Variants in TPH2 observed in about 807,000 individuals in gnomAD.
The protein encoded by TPH2 is tryptophan hydroxylase 2.
TPH2 carries 27 observed loss-of-function variants against 59.1 expected under a neutral mutation model. The observed-to-expected ratio is 0.46, with a 90% CI of 0.34 to 0.63. The LOEUF (loss-of-function observed/expected upper bound fraction) is 0.63. TPH2 is among the 30% of genes least tolerant of loss of function. The pLI is 0.01. For missense variants in TPH2, 523 were observed against 588.3 expected, an observed-to-expected ratio of 0.89 and a Z score of 1.15; for synonymous variants, 220 against 210.5, an observed-to-expected ratio of 1.05 and a Z score of -0.39.
chr12:72,015,520 C>T (rs565669399), intron 8 of TPH2, among the ~76,000 whole-genome samples: 6 of 151,888 alleles, frequency 4.0e-5, no homozygotes, highest in South Asian at 2.1e-4. Flanking sequence ...GGGGTTTCAC[C>T]GTGTTAGCCA....
At position 71,949,878 on chromosome 12, in the gene TPH2, T is replaced by C. The variant is rs182920526; in HGVS notation, c.608+223T>C. 3.3e-3 allele frequency among the ~76,000 whole-genome samples: 502 copies of C among 151,860 alleles called. 1 individual carries two copies. The highest frequency in any genetic ancestry group is 0.012 in the African/African-American group (487 of 41,230). On this transcript the variant is annotated intron_variant, in intron 5 of 10. Transcript: ENST00000333850. ...TGTGAGCCACATGCCAAGTGCTACG[T>C]TTACACCATTGTTTCCAGCTCCACC...
At chr12:72,012,291 G>A (rs955385757) in intron 8 of TPH2, among the ~76,000 whole-genome samples, 1 of 152,204 alleles carries the variant, frequency 6.6e-6, no homozygotes, top group African/African-American at 2.4e-5. Context: ...GGCAGTTTCT[G>A]TGTGGATTCG....
chr12:71,958,952 T>C, intron 5 of TPH2, among the ~76,000 whole-genome samples: 1 of 152,206 alleles, frequency 6.6e-6, no homozygotes, highest in East Asian at 1.9e-4. Flanking sequence ...TCAATTTGGG[T>C]GAGCTTGTGA....
intron 7 of TPH2, 25 bp from the exon 8 acceptor site, chr12:71,994,414 G>A (rs927946801): frequency 8.7e-6 from 14 of 1,612,918 alleles, no homozygotes; most frequent in Middle Eastern, 1.6e-4. Flanking sequence ...TATTTAACAC[G>A]TCTTTGTGAT....
At position 72,032,161 on chromosome 12, in the gene TPH2, T is replaced by A. The variant is rs1307205536; in HGVS notation, c.*466T>A. ...ACCCAGAATTGTAGGAAACTTCCCATCACAATAACAAAGGTTCAATATTCT... is the reference window on the plus strand; with the variant it reads ...ACCCAGAATTGTAGGAAACTTCCCAACACAATAACAAAGGTTCAATATTCT... On this transcript the variant is annotated 3_prime_UTR_variant, in exon 11 of 11. Transcript: ENST00000333850. The A allele has an allele frequency of 3.3e-5, 6 of 184,492 alleles. No individual in the cohort carries two copies. The highest frequency in any genetic ancestry group is 1.4e-4 in the African/African-American group (6 of 42,312). 11.4% of individuals were successfully genotyped at this position (184,492 alleles called of 1,614,324 possible).
At position 71,961,032 on chromosome 12, in the gene TPH2, C is replaced by T. The variant is rs546221330; in HGVS notation, c.608+11377C>T. Among the ~76,000 whole-genome samples the T allele has an allele frequency of 1.6e-3, 245 of 152,242 alleles. 3 individuals carry two copies. Among genetic ancestry groups the T allele is most frequent in the African/African-American group, 5.4e-3 (225 of 41,554 alleles). ...CAGATGACCTCTCATTTGATCCTCA[C>T]GATGTGAGAAGTCTTATTTCCCTCA... On this transcript the variant is annotated intron_variant, in intron 5 of 10. Coordinates refer to ENST00000333850, the MANE Select transcript of TPH2 (RefSeq NM_173353.4).
intron 6 of TPH2, among the ~76,000 whole-genome samples, chr12:71,977,093 C>T (rs544696938): frequency 8.5e-5 from 13 of 152,094 alleles, no homozygotes; most frequent in African/African-American, 3.1e-4. Flanking sequence ...GCTCTGTTGC[C>T]CAAGCTGGGG....
At chr12:71,956,574 T>A (rs1871511523) in intron 5 of TPH2, among the ~76,000 whole-genome samples, 1 of 144,658 alleles carries the variant, frequency 6.9e-6, no homozygotes, top group South Asian at 2.3e-4. Context: ...CTTCTTTCCC[T>A]CCTTCCTTCC....
intron 7 of TPH2, among the ~76,000 whole-genome samples, chr12:71,984,540 C>A (rs1418374235): frequency 6.6e-6 from 1 of 152,128 alleles, no homozygotes; most frequent in African/African-American, 2.4e-5. Context: ...TTGCTGAAGT[C>A]TTCTCAGCAT....
At chr12:71,994,927 A>T (rs1016707314) in intron 8 of TPH2, among the ~76,000 whole-genome samples, 2 of 152,072 alleles carry the variant, frequency 1.3e-5, no homozygotes, top group Non-Finnish European at 2.9e-5. Flanking sequence ...TCCCAATAAA[A>T]CTTTATTTAT....
intron 7 of TPH2, among the ~76,000 whole-genome samples, chr12:71,991,838 G>C (rs1235650502): frequency 3.9e-5 from 6 of 152,108 alleles, no homozygotes; most frequent in Non-Finnish European, 5.9e-5. Flanking sequence ...AATTAAACTT[G>C]AACAGCTCTA....
At chr12:71,951,540 GT>G (rs1458267503) in intron 5 of TPH2, among the ~76,000 whole-genome samples, 1 of 152,122 alleles carries the variant, frequency 6.6e-6, no homozygotes, top group African/African-American at 2.4e-5. Flanking sequence ...TTTTGACAGG[GT>G]TTTGCTTTGT....
intron 7 of TPH2, among the ~76,000 whole-genome samples, chr12:71,980,087 G>T (rs1872233800): frequency 6.6e-6 from 1 of 152,118 alleles, no homozygotes; most frequent in Non-Finnish European, 1.5e-5. Flanking sequence ...TTTTGGATTG[G>T]GTCAGGACAG....
At position 71,941,668 on chromosome 12, in the gene TPH2, A is replaced by G. The variant is rs1368874998; in HGVS notation, c.190A>G (p.Thr64Ala). 1.2e-6 allele frequency: 2 copies of G among 1,614,150 alleles called. No individual in the cohort carries two copies. The highest frequency in any genetic ancestry group is 1.7e-6 in the Non-Finnish European group (2 of 1,179,986). Residue 64 changes from threonine to alanine, a missense_variant, in exon 2 of 11, where the codon ACA becomes GCA. By Grantham distance (58) the Thr-to-Ala change is moderately conservative (BLOSUM62 0). Coordinates refer to ENST00000333850, the MANE Select transcript of TPH2 (RefSeq NM_173353.4). Reference sequence around the variant, plus strand: ...TGAAGCTGCTACCGAAAGTGGCAAGACAGCAGTTGTTTTCTCCTTGAAGAA... The same window carrying G: ...TGAAGCTGCTACCGAAAGTGGCAAGGCAGCAGTTGTTTTCTCCTTGAAGAA... ...KREAATESGK[T>A]AVVFSLKNEV...
At position 72,021,368 on chromosome 12, in the gene TPH2, TG is replaced by T. The variant is rs1873410890; in HGVS notation, c.1069-1030del. Among the ~76,000 whole-genome samples the T allele has an allele frequency of 2.8e-5, 4 of 144,972 alleles. No individual in the cohort carries two copies. The South Asian group carries it at 8.7e-4, about 31-fold the overall frequency. ...CTTGGGCCAATAAAGTGTGTGTGTG[TG>T]TGTGTGTGTGTGTGTGTGTGTGTGT... On this transcript the variant is annotated intron_variant, in intron 8 of 10. Transcript: ENST00000333850.
intron 5 of TPH2, among the ~76,000 whole-genome samples, chr12:71,958,202 GAAGCA>G (rs1301896147): frequency 6.6e-6 from 1 of 152,192 alleles, no homozygotes; most frequent in African/African-American, 2.4e-5. Flanking sequence ...GAGCAGAACT[GAAGCA>G]AATATTTATA....
At chr12:71,996,846 A>T (rs948823420) in intron 8 of TPH2, among the ~76,000 whole-genome samples, 52 of 152,356 alleles carry the variant, frequency 3.4e-4, no homozygotes, top group Middle Eastern at 3.4e-3. Flanking sequence ...CCATCAAATT[A>T]TGATTAATTA....
chr12:71,976,308 G>A (rs867411929), intron 6 of TPH2, among the ~76,000 whole-genome samples: 2 of 152,174 alleles, frequency 1.3e-5, no homozygotes, highest in Non-Finnish European at 2.9e-5. Flanking sequence ...ACAACCCTTG[G>A]TGAACTGGAT....
At chr12:71,999,222 A>C (rs1872763444) in intron 8 of TPH2, among the ~76,000 whole-genome samples, 1 of 152,186 alleles carries the variant, frequency 6.6e-6, no homozygotes, top group Admixed American at 6.5e-5. Flanking sequence ...TTGACATTTT[A>C]ATAATGCTCA....
Sources: gnomAD v4.1 joint callset for allele counts (sites outside exome capture counted in the v4.1 genomes callset) on GRCh38, gnomAD v4.1.1 for gene constraint, MANE v1.5 for transcripts, NCBI Gene and HGNC (gene_info 2026-07-23, HGNC 2026-07-21) for gene names.